The following CLIC5 variants were observed in gnomAD, a reference collection of about 807,000 sequenced individuals.
CLIC5 encodes CLIC family member 5, also known as chloride intracellular channel protein 5.
CLIC5 carries 20 observed loss-of-function variants against 24.7 expected under a neutral mutation model. The observed-to-expected ratio is 0.81, with a 90% confidence interval of 0.57 to 1.18. The LOEUF (loss-of-function observed/expected upper bound fraction) is 1.18, where lower values mean the gene tolerates loss of function less well. CLIC5 is among the 50% of genes most tolerant of loss of function. The pLI, the probability that CLIC5 is intolerant of heterozygous loss-of-function variation, is 0.00. For missense variants in CLIC5, 341 were observed against 326.1 expected (o/e 1.05, Z -0.35); for synonymous variants, 159 against 135.6 (o/e 1.17, Z -1.20).
At chr6:46,022,422 G>A (rs560191553) in intron 1 of CLIC5, among the ~76,000 whole-genome samples, 1 of 152,164 alleles carries the variant, frequency 6.6e-6, no homozygotes, top group Non-Finnish European at 1.5e-5. Flanking sequence ...CAATCTCAAG[G>A]ACTTGAGGTT....
At position 45,992,742 on chromosome 6, in the gene CLIC5, C is replaced by A. The variant is rs111474087; in HGVS notation, c.63+22738G>T. Reference sequence around the variant, plus strand: ...TTTGTAAACATGTTTTCCCTAATCACCCCTTATATAGACTTAATACCACAG... The same window carrying A: ...TTTGTAAACATGTTTTCCCTAATCAACCCTTATATAGACTTAATACCACAG... On this transcript the variant is annotated intron_variant, in intron 1 of 5. Transcript: ENST00000339561. Among the ~76,000 whole-genome samples the A allele has an allele frequency of 3.6e-3, 555 of 152,266 alleles. 4 individuals carry two copies. Among genetic ancestry groups the A allele is most frequent in the African/African-American group, 0.013 (530 of 41,568 alleles).
chr6:46,068,392 C>T (rs868053858), intron 1 of CLIC5, among the ~76,000 whole-genome samples: 10 of 152,138 alleles, frequency 6.6e-5, no homozygotes, highest in African/African-American at 2.4e-4. Flanking sequence ...CTTCCTCCTC[C>T]CTCATTACCC....
At chr6:46,006,293 C>A (rs903939477) in intron 1 of CLIC5, among the ~76,000 whole-genome samples, 16 of 151,324 alleles carry the variant, frequency 1.1e-4, no homozygotes, top group African/African-American at 3.6e-4. Context: ...TACAGGCATG[C>A]GCCACCATGT....
the CLIC5 span, among the ~76,000 whole-genome samples, chr6:46,088,200 T>A: frequency 6.7e-6 from 1 of 148,324 alleles, no homozygotes; most frequent in African/African-American, 2.5e-5. Context: ...TGTGTGACAC[T>A]GTATAATATA....
intron 4 of CLIC5, among the ~76,000 whole-genome samples, chr6:45,928,409 A>T (rs1035287790): frequency 6.6e-6 from 1 of 152,218 alleles, no homozygotes; most frequent in African/African-American, 2.4e-5. Flanking sequence ...ATCCAGAGAT[A>T]TTCTCCCCTA....
upstream of CLIC5, among the ~76,000 whole-genome samples, chr6:46,084,118 C>G (rs1451983301): frequency 6.6e-6 from 1 of 151,610 alleles, no homozygotes; most frequent in East Asian, 1.9e-4. Flanking sequence ...TTTTGTTTTC[C>G]ATTTGCTTGG....
rs138306261 is a variant in CLIC5 at position 46,080,126 on chromosome 6, G to A, written c.117C>T (p.Tyr39=). Residue 39 remains tyrosine (Y), a synonymous_variant, in exon 1 of 6, where the codon TAC becomes TAT. Coordinates refer to the CLIC5 transcript ENST00000185206. ...CATATAAATCATTTTCTGGCCTTAA[G>A]TACTCATGGACATCATCATAATGGG... 425 of 1,551,678 alleles carry A rather than the reference G, an allele frequency of 2.7e-4. 1 individual carries two copies. The African/African-American group carries it at 5.3e-3, about 19-fold the overall frequency.
chr6:46,088,141 C>T, the CLIC5 span, among the ~76,000 whole-genome samples: 2 of 147,272 alleles, frequency 1.4e-5, no homozygotes, highest in African/African-American at 2.5e-5. Flanking sequence ...ACTCTATCAG[C>T]GTACTCTCTC....
At chr6:45,988,868 C>T (rs1305268974) in intron 1 of CLIC5, among the ~76,000 whole-genome samples, 1 of 152,174 alleles carries the variant, frequency 6.6e-6, no homozygotes, top group East Asian at 1.9e-4. Flanking sequence ...CGACCTCTGG[C>T]AGGCTCAGTG....
chr6:45,888,078 G>C (rs2127282184), intron 6 of CLIC5, among the ~76,000 whole-genome samples: 2 of 152,338 alleles, frequency 1.3e-5, no homozygotes, highest in South Asian at 4.1e-4. Context: ...AGAATGTTGG[G>C]TGTTAACAGA....
chr6:45,983,774 G>GA (rs1765641796), intron 1 of CLIC5, among the ~76,000 whole-genome samples: 2 of 152,192 alleles, frequency 1.3e-5, no homozygotes, highest in South Asian at 2.1e-4. Flanking sequence ...CTTCGGGCCT[G>GA]AAATATAATG....
intron 2 of CLIC5, among the ~76,000 whole-genome samples, chr6:45,951,585 GGAA>G (rs1271040212): frequency 3.9e-5 from 6 of 152,226 alleles, no homozygotes; most frequent in African/African-American, 1.4e-4. Flanking sequence ...AAAATGAGGG[GGAA>G]GAAGGTTTGG....
At chr6:46,110,302 G>C in the CLIC5 span, among the ~76,000 whole-genome samples, 817 of 152,236 alleles carry the variant, frequency 5.4e-3, 6 homozygotes, top group African/African-American at 0.019. Context: ...GGCTCCCCTG[G>C]TGTCCCACCT....
intron 1 of CLIC5, among the ~76,000 whole-genome samples, chr6:46,052,715 A>C (rs906957446): frequency 2.0e-5 from 3 of 152,082 alleles, no homozygotes; most frequent in African/African-American, 7.2e-5. Context: ...CCCACATCCC[A>C]GCTCTGTGCA....
At chr6:45,964,210 TC>T (rs138988193) in intron 1 of CLIC5, among the ~76,000 whole-genome samples, 5,945 of 152,272 alleles carry the variant, frequency 0.039, 167 homozygotes, top group Non-Finnish European at 0.058. Flanking sequence ...CAGATTTCAG[TC>T]CTCAGCTTCA....
At chr6:46,097,572 T>C in the CLIC5 span, among the ~76,000 whole-genome samples, 1 of 152,172 alleles carries the variant, frequency 6.6e-6, no homozygotes, top group Non-Finnish European at 1.5e-5. Context: ...TTACAGAGGC[T>C]TAAGCCTCCT....
At chr6:45,935,702 G>C (rs186678679) in intron 4 of CLIC5, among the ~76,000 whole-genome samples, 24 of 152,328 alleles carry the variant, frequency 1.6e-4, no homozygotes, top group African/African-American at 5.8e-4. Flanking sequence ...TCCTGATCCA[G>C]TTCCCTATCA....
chr6:45,887,474 G>A (rs535616902), intron 6 of CLIC5, among the ~76,000 whole-genome samples: 2 of 152,236 alleles, frequency 1.3e-5, no homozygotes, highest in African/African-American at 4.8e-5. Context: ...ATTAAGGTGA[G>A]CCCTAAGCCC....
At chr6:46,073,815 C>T (rs1762689281) in intron 1 of CLIC5, among the ~76,000 whole-genome samples, 1 of 152,232 alleles carries the variant, frequency 6.6e-6, no homozygotes, top group South Asian at 2.1e-4. Context: ...CTGCTGAGCC[C>T]ACTGCCTGGG....
Sources: allele counts gnomAD v4.1 joint callset (sites outside exome capture counted in the v4.1 genomes callset), GRCh38; gene constraint gnomAD v4.1.1; transcripts MANE v1.5; gene names NCBI Gene and HGNC (gene_info 2026-07-23, HGNC 2026-07-21).